DSCAM: variants seen among roughly 807,000 people sequenced by gnomAD.
DSCAM encodes DS cell adhesion molecule, also known as cell adhesion molecule DSCAM.
A neutral mutation model predicts 217.7 loss-of-function variants in DSCAM; 47 were observed. The observed-to-expected ratio is 0.22, with a 90% CI of 0.17 to 0.28. The LOEUF (loss-of-function observed/expected upper bound fraction) is 0.28. Among genes scored for constraint, DSCAM ranks in the 10% least tolerant of loss-of-function variants. The pLI is 1.00. For missense variants in DSCAM, 2,080 were observed against 2,618.3 expected (o/e 0.79, Z 4.49); for synonymous variants, 1,056 against 1,015.3 (o/e 1.04, Z -0.76).
chr21:40,045,228 C>A (rs1238955706), intron 30 of DSCAM, among the ~76,000 whole-genome samples: 2 of 152,216 alleles, frequency 1.3e-5, no homozygotes. Context: ...TATTACTACT[C>A]ATTGTTTTAA....
At chr21:40,485,674 T>C (rs1156859942) in intron 3 of DSCAM, among the ~76,000 whole-genome samples, 1 of 152,168 alleles carries the variant, frequency 6.6e-6, no homozygotes, top group Non-Finnish European at 1.5e-5. Context: ...ATAAATTACA[T>C]ACTTAAATAG....
At chr21:40,449,364 C>T (rs558275985) in intron 3 of DSCAM, among the ~76,000 whole-genome samples, 184 of 152,256 alleles carry the variant, frequency 1.2e-3, no homozygotes, top group African/African-American at 3.9e-3. Context: ...ATGACTATTT[C>T]TCAAGTATAT....
intron 3 of DSCAM, among the ~76,000 whole-genome samples, chr21:40,525,832 CT>C (rs1251181995): frequency 6.6e-6 from 1 of 152,204 alleles, no homozygotes; most frequent in East Asian, 1.9e-4. Flanking sequence ...CTGAAAACCC[CT>C]GTGGCCTTCC....
intron 3 of DSCAM, among the ~76,000 whole-genome samples, chr21:40,600,155 A>C (rs1049420695): frequency 6.6e-6 from 1 of 152,250 alleles, no homozygotes; most frequent in African/African-American, 2.4e-5. Context: ...AACAATAAAA[A>C]GAGCAGAAGT....
At chr21:40,681,992 C>T (rs1381015678) in intron 3 of DSCAM, among the ~76,000 whole-genome samples, 1 of 152,094 alleles carries the variant, frequency 6.6e-6, no homozygotes, top group Non-Finnish European at 1.5e-5. Context: ...GCCCTGCTGA[C>T]GCTGTGACTT....
chr21:40,401,441 T>A (rs182388179), intron 3 of DSCAM, among the ~76,000 whole-genome samples: 3 of 152,170 alleles, frequency 2.0e-5, no homozygotes, highest in African/African-American at 7.2e-5. Flanking sequence ...TATAGTACAC[T>A]ATTTACACAA....
At chr21:40,339,043 T>C in intron 7 of DSCAM, 76 bp downstream of exon 7, 3 of 1,552,386 alleles carry the variant, frequency 1.9e-6, no homozygotes, top group Non-Finnish European at 2.6e-6. Flanking sequence ...AAGACCCAGC[T>C]CGGTGCATGC....
At chr21:40,406,783 G>C (rs943483242) in intron 3 of DSCAM, among the ~76,000 whole-genome samples, 13 of 151,984 alleles carry the variant, frequency 8.6e-5, no homozygotes, top group African/African-American at 2.7e-4. Flanking sequence ...TCTTCTTCTT[G>C]TTGTTGTTAA....
intron 1 of DSCAM, among the ~76,000 whole-genome samples, chr21:40,745,728 G>A (rs1426950147): frequency 6.6e-6 from 1 of 152,004 alleles, no homozygotes. Context: ...AAAATTCACT[G>A]GTAAAAGTAA....
At chr21:40,125,529 T>C (rs557538062) in intron 19 of DSCAM, among the ~76,000 whole-genome samples, 104 of 152,306 alleles carry the variant, frequency 6.8e-4, no homozygotes, top group Non-Finnish European at 1.2e-3. Flanking sequence ...CAGTAAATTG[T>C]TTTGGAGTTG....
intron 3 of DSCAM, among the ~76,000 whole-genome samples, chr21:40,593,320 C>CT (rs66528850): frequency 0.61 from 88,196 of 145,752 alleles, 26,699 homozygotes; most frequent in Non-Finnish European, 0.63. Context: ...TGATGTTTCT[C>CT]TTTTTTTTTT....
chr21:40,793,460 C>CA (rs74310036), intron 1 of DSCAM, among the ~76,000 whole-genome samples: 19,236 of 152,006 alleles, frequency 0.13, 1,607 homozygotes, highest in East Asian at 0.4. Context: ...TTTTTAGGTA[C>CA]AAAAAATATG....
chr21:40,276,876 C>T (rs968458647), intron 10 of DSCAM, among the ~76,000 whole-genome samples: 4 of 152,036 alleles, frequency 2.6e-5, no homozygotes, highest in African/African-American at 9.7e-5. Flanking sequence ...CCTCTCTCCT[C>T]AGAGTGCTTC....
intron 10 of DSCAM, among the ~76,000 whole-genome samples, chr21:40,285,628 C>T (rs1247282313): frequency 6.6e-6 from 1 of 152,162 alleles, no homozygotes; most frequent in Non-Finnish European, 1.5e-5. Flanking sequence ...TTTCTCTGTT[C>T]AGCTTACAAC....
At chr21:40,685,734 A>G (rs1170760706) in intron 3 of DSCAM, among the ~76,000 whole-genome samples, 1 of 152,206 alleles carries the variant, frequency 6.6e-6, no homozygotes, top group Non-Finnish European at 1.5e-5. Flanking sequence ...GCAGATCACC[A>G]AACCTGAGGG....
chr21:40,596,966 GCAT>G (rs1288513566), intron 3 of DSCAM, among the ~76,000 whole-genome samples: 9 of 151,952 alleles, frequency 5.9e-5, no homozygotes, highest in Non-Finnish European at 1.3e-4. Flanking sequence ...AAAATAAACA[GCAT>G]CATCTTCTAC....
chr21:40,618,007 C>T (rs1002556430), intron 3 of DSCAM, among the ~76,000 whole-genome samples: 3 of 152,212 alleles, frequency 2.0e-5, no homozygotes, highest in Non-Finnish European at 2.9e-5. Context: ...GGTGAAGCCT[C>T]ACGAACCATA....
chr21:40,228,930 G>C (rs452405), intron 11 of DSCAM, among the ~76,000 whole-genome samples: 1 of 151,336 alleles, frequency 6.6e-6, no homozygotes, highest in East Asian at 1.9e-4. Flanking sequence ...GAATATTCCT[G>C]TATGTATCCA....
At chr21:40,551,472 A>G (rs1048957326) in intron 3 of DSCAM, among the ~76,000 whole-genome samples, 1 of 152,186 alleles carries the variant, frequency 6.6e-6, no homozygotes, top group Non-Finnish European at 1.5e-5. Flanking sequence ...GGCTGCCCTT[A>G]GAGACAATAG....
Sources: gnomAD v4.1 joint callset for allele counts (sites outside exome capture counted in the v4.1 genomes callset) on GRCh38, gnomAD v4.1.1 for gene constraint, MANE v1.5 for transcripts, NCBI Gene and HGNC (gene_info 2026-07-23, HGNC 2026-07-21) for gene names.